Variants in DRD4 observed in about 807,000 individuals in gnomAD.
DRD4 encodes the protein dopamine receptor D4, also known as D(4) dopamine receptor.
DRD4 carries 26 observed loss-of-function variants against 22.1 expected under a neutral mutation model. That is an observed-to-expected ratio of 1.17 (90% CI 0.86 to 1.63). The LOEUF is 1.63. DRD4 is among the 40% of genes most tolerant of loss of function. The pLI, the probability that DRD4 is intolerant of heterozygous loss-of-function variation, is 0.00. For missense variants in DRD4, 913 were observed against 632.4 expected (o/e 1.44, Z -4.76); for synonymous variants, 455 against 306.7 (o/e 1.48, Z -5.05).
intron 1 of DRD4, 154 bp from the exon 2 acceptor site, chr11:639,279 G>A: frequency 1.4e-6 from 1 of 691,994 alleles, no homozygotes; most frequent in East Asian, 2.9e-5. Flanking sequence ...TCTGCGTGGG[G>A]AAGGGGTGTT....
chr11:640,304 T>C lies in DRD4; in HGVS notation c.1055T>C (p.Val352Ala). ...RKAMRVLPVVVGAFLLCWTPF... is the reference protein window; with the variant it reads ...RKAMRVLPVVAGAFLLCWTPF... ...GCCATGAGGGTCCTGCCGGTGGTGGTCGGTGGGTTCCTGTCCTGAGGGGCG... is the reference window on the plus strand; with the variant it reads ...GCCATGAGGGTCCTGCCGGTGGTGGCCGGTGGGTTCCTGTCCTGAGGGGCG... The change falls in exon 3 of 4, where the codon GTC becomes GCC. Residue 352 changes from valine (V) to alanine (A), a missense_variant and splice_region_variant. Val to Ala is a moderately conservative substitution (Grantham distance 64). Transcript: ENST00000176183. The C allele has an allele frequency of 1.3e-6, 2 of 1,534,454 alleles. No individual in the cohort carries two copies. The highest frequency in any genetic ancestry group is 1.7e-6 in the Non-Finnish European group (2 of 1,146,538).
Position 637,421 on chromosome 11 carries a change from G to T in DRD4, c.117G>T (p.Val39=), listed in dbSNP as rs971480977. 8 of 1,522,006 alleles carry T rather than the reference G, an allele frequency of 5.3e-6. No individual in the cohort carries two copies. The East Asian group carries it at 1.0e-4, about 19-fold the overall frequency. The allele number at this position is 1,522,006 out of a possible 1,614,324, so 94.3% of individuals were successfully genotyped here. Residue 39 remains valine, a synonymous_variant, in exon 1 of 4, where the codon GTG becomes GTT. Transcript: ENST00000176183. ...CTGGGCAGGGCGCGGCGGCGCTGGT[G>T]GGGGGCGTGCTGCTCATCGGCGCGG... The part of the protein sequence containing the change: ...GLAGQGAAAL[V]GGVLLIGAVL...
chr11:639,840 C>CGT lies in DRD4; in HGVS notation c.595_596dup (p.Ser200AlafsTer147), dbSNP rs1858168189. On this transcript the variant is annotated frameshift_variant, in exon 3 of 4. Coordinates refer to ENST00000176183, the MANE Select transcript of DRD4 (RefSeq NM_000797.4). LOFTEE classifies it high-confidence loss of function. The stretch of plus-strand genomic sequence containing the variant: ...ACCGCGACTACGTGGTCTACTCGTC[C>CGT]GTGTGCTCCTTCTTCCTACCCTGCC... 14 of 1,578,876 alleles carry CGT rather than the reference C, an allele frequency of 8.9e-6. No individual in the cohort carries two copies. The highest frequency in any genetic ancestry group is 1.4e-5 in the African/African-American group (1 of 73,298).
In DRD4 at chr11:640,052, GCC is replaced by G; in HGVS notation, c.804_805del (p.Leu269SerfsTer180). The G allele has an allele frequency of 1.7e-6, 2 of 1,170,424 alleles. No individual in the cohort carries two copies. The highest frequency in any genetic ancestry group is 1.1e-6 in the Non-Finnish European group (1 of 936,736). 72.5% of individuals were successfully genotyped at this position (1,170,424 alleles called of 1,614,324 possible). A position where few individuals can be genotyped will look rare whatever the true frequency, so the allele number is the denominator to read the frequency against. On this transcript the variant is annotated frameshift_variant, in exon 3 of 4. Coordinates refer to ENST00000176183, the MANE Select transcript of DRD4 (RefSeq NM_000797.4). LOFTEE classifies it high-confidence loss of function. ...CCCGACTGTGCGCCCCCCGCGCCCG[GCC>G]TTCCCCGGGGTCCCTGCGGCCCCGA...
rs1306711977 is a variant in DRD4, at chr11:637,557, C to T, written c.253C>T (p.Leu85Phe). The T allele has an allele frequency of 6.4e-7, 1 of 1,559,986 alleles. No homozygotes were observed. The highest frequency in any genetic ancestry group is 1.9e-5 in the Admixed American group (1 of 52,698). ...GGCGGCCGCCGACCTCCTCCTCGCT[C>T]TCCTGGTGCTGCCGCTCTTCGTCTA... ...SLAAADLLLA[L>F]LVLPLFVYSE... The change falls in exon 1 of 4, where the codon CTC becomes TTC. Residue 85 changes from leucine (L) to phenylalanine (F), a missense_variant. By Grantham distance (22) the Leu-to-Phe change is conservative. Coordinates refer to ENST00000176183, the MANE Select transcript of DRD4 (RefSeq NM_000797.4).
chr11:637,422 G>C lies in DRD4; in HGVS notation c.118G>C (p.Gly40Arg). ...TGGGCAGGGCGCGGCGGCGCTGGTG[G>C]GGGGCGTGCTGCTCATCGGCGCGGT... ...LAGQGAAALV[G>R]GVLLIGAVLA... The change falls in exon 1 of 4, where the codon GGG (glycine) becomes CGG (arginine). Residue 40 changes from glycine (G) to arginine (R), a missense_variant. Transcript: ENST00000176183. 1.3e-6 allele frequency: 2 copies of C among 1,523,104 alleles called. No individual in the cohort carries two copies. Among genetic ancestry groups the C allele is most frequent in the Non-Finnish European group, 1.8e-6 (2 of 1,140,948 alleles). 94.3% of individuals were successfully genotyped at this position (1,523,104 alleles called of 1,614,324 possible). A position where few individuals can be genotyped will look rare whatever the true frequency, so the allele number is the denominator to read the frequency against.
chr11:637,654 G>A (rs535641320), intron 1 of DRD4, 65 bp downstream of exon 1: 22 of 1,533,788 alleles, frequency 1.4e-5, no homozygotes, highest in South Asian at 8.3e-5. Flanking sequence ...CTGTCCCTAC[G>A]GAGGACCCGG....
At chr11:638,741 G>C (rs1429986881) in intron 1 of DRD4, among the ~76,000 whole-genome samples, 1 of 152,084 alleles carries the variant, frequency 6.6e-6, no homozygotes, top group East Asian at 1.9e-4. Context: ...CTCCCTTTGA[G>C]CCCGATGATA....
At chr11:637,810 T>C (rs1334153993) in intron 1 of DRD4, among the ~76,000 whole-genome samples, 4 of 152,108 alleles carry the variant, frequency 2.6e-5, no homozygotes, top group Non-Finnish European at 4.4e-5. Context: ...TCGTTCCTCT[T>C]CTCCTTCCCC....
At chr11:639,395 G>A (rs936366511) in intron 1 of DRD4, 38 bp from the exon 2 acceptor site, 1 of 1,548,790 alleles carries the variant, frequency 6.5e-7, no homozygotes, top group African/African-American at 1.4e-5. Context: ...GGCCCGCGGT[G>A]GCTGGGAAAC....
At chr11:638,052 A>AC (rs1316730240) in intron 1 of DRD4, among the ~76,000 whole-genome samples, 7 of 151,916 alleles carry the variant, frequency 4.6e-5, no homozygotes, top group Non-Finnish European at 8.8e-5. Flanking sequence ...ATGCTGGCAC[A>AC]CCCCCAGAAG....
At position 640,499 on chromosome 11, in the gene DRD4, A is replaced by C. The variant is rs756530079; in HGVS notation, c.1156A>C (p.Thr386Pro). The C allele has an allele frequency of 1.1e-5, 18 of 1,601,262 alleles. No homozygotes were observed. The South Asian group carries it at 1.9e-4, about 17-fold the overall frequency. The change falls in exon 4 of 4, where the codon ACC becomes CCC. Residue 386 changes from threonine to proline, a missense_variant. Transcript: ENST00000176183. ...SVPPRLVSAV[T>P]WLGYVNSALN... ...GCCCCCGCGGCTGGTCAGCGCCGTC[A>C]CCTGGCTGGGCTACGTCAACAGCGC...
Position 640,660 on chromosome 11 carries a change from A to T in DRD4, c.*57A>T. 1.3e-6 allele frequency: 2 copies of T among 1,581,478 alleles called. No homozygotes were observed. Among genetic ancestry groups the T allele is most frequent in the African/African-American group, 1.3e-5 (1 of 74,556 alleles). On this transcript the variant is annotated 3_prime_UTR_variant, in exon 4 of 4. Transcript: ENST00000176183. ...TGGCCAGGCCTCAGGGACCAAGGAGATGGGGAGGGCGCTTTTGTACGTTAA... is the reference window on the plus strand; with the variant it reads ...TGGCCAGGCCTCAGGGACCAAGGAGTTGGGGAGGGCGCTTTTGTACGTTAA...
rs1318322313 is a variant in DRD4 at position 640,257 on chromosome 11, G to A, written c.1008G>A (p.Lys336=). The A allele has an allele frequency of 2.0e-6, 3 of 1,533,494 alleles. No homozygotes were observed. The highest frequency in any genetic ancestry group is 2.6e-6 in the Non-Finnish European group (3 of 1,146,690). The allele number at this position is 1,533,494 out of a possible 1,614,324, so 95.0% of individuals were successfully genotyped here. ...AGACCCGCAGGAGGCGGCGTGCCAA[G>A]ATCACCGGCCGGGAGCGCAAGGCCA... is the stretch of plus-strand genomic sequence containing the variant. ...PPQTRRRRRA[K]ITGRERKAMR... is the part of the protein sequence containing the mutation. Residue 336 remains lysine (K), a synonymous_variant, in exon 3 of 4, where the codon AAG becomes AAA. Transcript: ENST00000176183.
In DRD4 at chr11:640,604, GCC is replaced by G; in HGVS notation, c.*2_*3del. The G allele has an allele frequency of 6.3e-7, 1 of 1,599,228 alleles. No individual in the cohort carries two copies. Among genetic ancestry groups the G allele is most frequent in the Non-Finnish European group, 8.5e-7 (1 of 1,179,788 alleles). On this transcript the variant is annotated 3_prime_UTR_variant, in exon 4 of 4. Transcript: ENST00000176183. ...CAAGGCCCTGCGTGCCTGCTGCTGA[GCC>G]GGGCACCCCCGGACGCCCCCCGGCC...
rs1247894658 is a variant in DRD4, at chr11:639,446, C to G, written c.299C>G (p.Ala100Gly). ...GTCGCCGCGCAGGTCCAGGGTGGCG[C>G]GTGGCTGCTGAGCCCCCGCCTGTGC... ...LFVYSEVQGG[A>G]WLLSPRLCDA... Residue 100 changes from alanine (A) to glycine (G), a missense_variant, in exon 2 of 4, where the codon GCG becomes GGG. Physicochemically the swap from Ala to Gly is moderately conservative, Grantham distance 60. Coordinates refer to ENST00000176183, the MANE Select transcript of DRD4 (RefSeq NM_000797.4). 2 of 1,594,524 alleles carry G rather than the reference C, an allele frequency of 1.3e-6. No homozygotes were observed. Among genetic ancestry groups the G allele is most frequent in the South Asian group, 2.2e-5 (2 of 89,564 alleles).
At chr11:637,780 C>T (rs1858097948) in intron 1 of DRD4, among the ~76,000 whole-genome samples, 191 bp downstream of exon 1, 1 of 152,232 alleles carries the variant, frequency 6.6e-6, no homozygotes, top group African/African-American at 2.4e-5. Context: ...CCACCCGCTG[C>T]GCTGTCTGTC....
Position 639,955 on chromosome 11 carries a change from CG to C in DRD4, c.707del (p.Arg236ProfsTer110), listed in dbSNP as rs1323303664. Reference sequence around the variant, plus strand: ...CGCCAAGCTGCACGGCCGCGCGCCCCGCCGACCCAGCGGCCCTGGCCCGCCT... The same window carrying C: ...CGCCAAGCTGCACGGCCGCGCGCCCCCCGACCCAGCGGCCCTGGCCCGCCT... The part of the protein sequence containing the change: ...RRAKLHGRAP[R>X]RPSGPGPPSP... On this transcript the variant is annotated frameshift_variant, in exon 3 of 4. Transcript: ENST00000176183. LOFTEE classifies it high-confidence loss of function. The C allele has an allele frequency of 2.0e-6, 3 of 1,497,258 alleles. No individual in the cohort carries two copies. The highest frequency in any genetic ancestry group is 2.7e-6 in the Non-Finnish European group (3 of 1,129,470). 92.7% of individuals were successfully genotyped at this position (1,497,258 alleles called of 1,614,324 possible). A position where few individuals can be genotyped will look rare whatever the true frequency, so the allele number is the denominator to read the frequency against.
chr11:637,704 GGCGGCGGCAGGGGCGCTGC>G (rs945887973), intron 1 of DRD4, 115 bp downstream of exon 1: 72 of 1,513,400 alleles, frequency 4.8e-5, no homozygotes, highest in Non-Finnish European at 6.2e-5. Context: ...TTCCAGCTGG[GGCGGCGGCAGGGGCGCTGC>G]GCCTTGTCCC....
Sources: allele counts gnomAD v4.1 joint callset (sites outside exome capture counted in the v4.1 genomes callset), GRCh38; gene constraint gnomAD v4.1.1; transcripts MANE v1.5; gene names NCBI Gene and HGNC (gene_info 2026-07-23, HGNC 2026-07-21).